LRRC75A: variants seen among roughly 807,000 people sequenced by gnomAD.
LRRC75A encodes the protein leucine-rich repeat-containing protein 75A.
A neutral mutation model predicts 26.0 loss-of-function variants in LRRC75A; 12 were observed. That is an observed-to-expected ratio of 0.46 (90% CI 0.30 to 0.75). LRRC75A has a LOEUF of 0.75. Ranked by LOEUF, LRRC75A falls within the 30% of genes least tolerant of loss-of-function variation. LRRC75A has a pLI of 0.08. For missense variants in LRRC75A, 410 were observed against 486.6 expected (o/e 0.84, Z 1.48); for synonymous variants, 223 against 219.3 (o/e 1.02, Z -0.15).
In LRRC75A at chr17:16,441,841, G is replaced by A. The variant is rs2093528653; in HGVS notation, c.*1747C>T. The A allele has an allele frequency of 6.0e-6, 1 of 167,742 alleles. No individual in the cohort carries two copies. The highest frequency in any genetic ancestry group is 1.3e-5 in the Non-Finnish European group (1 of 76,482). The allele number at this position is 167,742 out of a possible 1,614,324, so 10.4% of individuals were successfully genotyped here. A position where few individuals can be genotyped will look rare whatever the true frequency, so the allele number is the denominator to read the frequency against. ...AAGGCACAGGCCAAGTTGTAGCTTT[G>A]TCCCTTGCCATCATGCCCAACAAGA... On this transcript the variant is annotated 3_prime_UTR_variant, in exon 4 of 4. Transcript: ENST00000470794.
chr17:16,450,590 C>T (rs148678886), intron 2 of LRRC75A, among the ~76,000 whole-genome samples: 1 of 152,212 alleles, frequency 6.6e-6, no homozygotes, highest in East Asian at 1.9e-4. Flanking sequence ...TCTGCCTTTA[C>T]GGCTTCATTC....
chr17:16,451,727 A>G (rs1458755054), intron 2 of LRRC75A, among the ~76,000 whole-genome samples: 1 of 151,594 alleles, frequency 6.6e-6, no homozygotes, highest in Non-Finnish European at 1.5e-5. Flanking sequence ...AATCTTTCAT[A>G]CCGGAATCTC....
chr17:16,446,452 G>A (rs950436808), intron 3 of LRRC75A, among the ~76,000 whole-genome samples: 1 of 152,178 alleles, frequency 6.6e-6, no homozygotes, highest in African/African-American at 2.4e-5. Context: ...AAAAGAGTTT[G>A]GTGAAAGTTC....
intron 1 of LRRC75A, among the ~76,000 whole-genome samples, chr17:16,479,212 C>T (rs1319434695): frequency 6.6e-6 from 1 of 152,242 alleles, no homozygotes; most frequent in Non-Finnish European, 1.5e-5. Context: ...CAGGGTCATA[C>T]AGGACTGGTA....
intron 3 of LRRC75A, among the ~76,000 whole-genome samples, chr17:16,444,992 G>T (rs1356412220): frequency 6.6e-5 from 10 of 151,482 alleles, no homozygotes; most frequent in African/African-American, 2.2e-4. Context: ...GGGATTACAG[G>T]CGTCTGCCAC....
intron 1 of LRRC75A, among the ~76,000 whole-genome samples, chr17:16,487,675 T>C (rs901416804): frequency 6.6e-6 from 1 of 152,234 alleles, no homozygotes; most frequent in African/African-American, 2.4e-5. Flanking sequence ...GCTCAAGTCA[T>C]CTGCCTGCCT....
chr17:16,458,669 T>C lies in LRRC75A; in HGVS notation c.375+3589A>G, dbSNP rs562587715. Among the ~76,000 whole-genome samples, 101 of 152,198 alleles carry C rather than the reference T, an allele frequency of 6.6e-4. 2 individuals are homozygous for C. The South Asian group carries it at 0.021, about 32-fold the overall frequency. ...TAGTAGAGATGGGGTTTCTCCATGTTGGTCAGGCTGGTCTCGAACTTCCAA... is the reference window on the plus strand; with the variant it reads ...TAGTAGAGATGGGGTTTCTCCATGTCGGTCAGGCTGGTCTCGAACTTCCAA... On this transcript the variant is annotated intron_variant, in intron 2 of 3. Coordinates refer to ENST00000470794, the MANE Select transcript of LRRC75A (RefSeq NM_001113567.3).
chr17:16,474,797 T>C (rs1302663834), intron 1 of LRRC75A, among the ~76,000 whole-genome samples: 1 of 151,720 alleles, frequency 6.6e-6, no homozygotes, highest in African/African-American at 2.4e-5. Context: ...GATGAGACCA[T>C]CCTGGCTAAC....
Position 16,464,150 on chromosome 17 carries a change from G to T in LRRC75A, c.247-1764C>A, listed in dbSNP as rs148274707. Among the ~76,000 whole-genome samples the T allele has an allele frequency of 2.7e-3, 411 of 152,294 alleles. 2 individuals are homozygous for T. The highest frequency in any genetic ancestry group is 9.2e-3 in the African/African-American group (382 of 41,558). ...AGGACACAAGAGGCCAGTTGTGAGG[G>T]CTGTTTTCCATATGGCAGGAATGAA... On this transcript the variant is annotated intron_variant, in intron 1 of 3. Transcript: ENST00000470794.
intron 2 of LRRC75A, among the ~76,000 whole-genome samples, chr17:16,453,304 A>ACACG (rs2093648801): frequency 7.4e-6 from 1 of 135,672 alleles, no homozygotes; most frequent in Non-Finnish European, 1.6e-5. Flanking sequence ...CTAAACACAC[A>ACACG]CACACACGCA....
Position 16,443,206 on chromosome 17 carries a change from A to C in LRRC75A, c.*382T>G. 4.9e-6 allele frequency: 1 copy of C among 202,996 alleles called. No individual in the cohort carries two copies. The highest frequency in any genetic ancestry group is 9.9e-6 in the Non-Finnish European group (1 of 100,854). The allele number at this position is 202,996 out of a possible 1,614,324, so 12.6% of individuals were successfully genotyped here. A position where few individuals can be genotyped will look rare whatever the true frequency, so the allele number is the denominator to read the frequency against. On this transcript the variant is annotated 3_prime_UTR_variant, in exon 4 of 4. Coordinates refer to ENST00000470794, the MANE Select transcript of LRRC75A (RefSeq NM_001113567.3). ...ATGAAAAATGTAATGCAGTACATGT[A>C]GGGGCCCTACTGTATTCTTTTTCTG... is the stretch of plus-strand genomic sequence containing the variant.
intron 3 of LRRC75A, 118 bp downstream of exon 3, chr17:16,447,727 G>A (rs12949081): frequency 0.35 from 249,894 of 706,716 alleles, 45,796 homozygotes; most frequent in Non-Finnish European, 0.38. Context: ...ACCTCCTTCA[G>A]GCAGCTTCTA....
intron 1 of LRRC75A, among the ~76,000 whole-genome samples, chr17:16,485,673 T>TGTGTTC (rs2093845201): frequency 2.2e-5 from 3 of 136,178 alleles, no homozygotes; most frequent in African/African-American, 9.0e-5. Flanking sequence ...TGTGTGTTCG[T>TGTGTTC]GTGTGTGTGT....
rs1425855597 is a variant in LRRC75A, at chr17:16,462,706, G to A, written c.247-320C>T. ...GAGGAAGCCAAGGGTGGCCTGCCTC[G>A]GTGCAAGCAGCTGCTTCTCTATGGT... On this transcript the variant is annotated intron_variant, in intron 1 of 3. Coordinates refer to ENST00000470794, the MANE Select transcript of LRRC75A (RefSeq NM_001113567.3). This position sits in a 1 kb window ranked among gnomAD's most constrained non-coding sequence, Gnocchi z 4.6. 2.2e-5 allele frequency: 7 copies of A among 311,786 alleles called. No homozygotes were observed. Among genetic ancestry groups the A allele is most frequent in the African/African-American group, 6.5e-5 (3 of 46,384 alleles). 19.3% of individuals were successfully genotyped at this position (311,786 alleles called of 1,614,324 possible).
Position 16,462,447 on chromosome 17 carries a change from C to A in LRRC75A, c.247-61G>T. On this transcript the variant is annotated intron_variant, in intron 1 of 3. Coordinates refer to ENST00000470794, the MANE Select transcript of LRRC75A (RefSeq NM_001113567.3). The surrounding 1 kb of genome is among the most constrained non-coding windows in gnomAD (Gnocchi z 4.6). Reference sequence around the variant, plus strand: ...GCTGCCCACCCAGCTCGCCCACCATCCCCAAGAGAAGTAGGCACAGACCCC... The same window carrying A: ...GCTGCCCACCCAGCTCGCCCACCATACCCAAGAGAAGTAGGCACAGACCCC... 6.2e-7 allele frequency: 1 copy of A among 1,604,700 alleles called. No homozygotes were observed.
chr17:16,474,023 T>C (rs927688885), intron 1 of LRRC75A, among the ~76,000 whole-genome samples: 2 of 152,226 alleles, frequency 1.3e-5, no homozygotes, highest in South Asian at 4.1e-4. Context: ...TTAATTAAAA[T>C]CCGAGAAACG....
At chr17:16,466,754 T>C (rs565354582) in intron 1 of LRRC75A, among the ~76,000 whole-genome samples, 5 of 151,956 alleles carry the variant, frequency 3.3e-5, no homozygotes, top group Non-Finnish European at 5.9e-5. Context: ...GATAAACAGG[T>C]CTGGGGACTC....
intron 1 of LRRC75A, among the ~76,000 whole-genome samples, chr17:16,487,249 G>A (rs1025365397): frequency 2.0e-5 from 3 of 152,174 alleles, no homozygotes; most frequent in Non-Finnish European, 4.4e-5. Context: ...CCCAGCGTAG[G>A]GCCCCCCTGC....
chr17:16,492,124 G>A lies in LRRC75A; in HGVS notation c.-134C>T. ...GGGGGAACTGTTGCGCGCGGGCGTC[G>A]CGGGGGCGGGCGGGCGGGCGGCTGT... On this transcript the variant is annotated 5_prime_UTR_variant, in exon 1 of 4. Coordinates refer to ENST00000470794, the MANE Select transcript of LRRC75A (RefSeq NM_001113567.3). 2.8e-6 allele frequency: 2 copies of A among 726,180 alleles called. No homozygotes were observed. The highest frequency in any genetic ancestry group is 3.4e-6 in the Non-Finnish European group (2 of 589,620). The allele number at this position is 726,180 out of a possible 1,614,324, so 45.0% of individuals were successfully genotyped here. A position where few individuals can be genotyped will look rare whatever the true frequency, so the allele number is the denominator to read the frequency against.
Sources: gnomAD v4.1 joint callset for allele counts (sites outside exome capture counted in the v4.1 genomes callset) on GRCh38, gnomAD v4.1.1 for gene constraint, Gnocchi (gnomAD v3.1) non-coding constraint, MANE v1.5 for transcripts, NCBI Gene and HGNC (gene_info 2026-07-23, HGNC 2026-07-21) for gene names.